Variants in INTS12 observed in about 807,000 individuals in gnomAD.
INTS12 encodes the protein integrator complex subunit 12, also known as PHD finger protein 22.
In INTS12, 13 loss-of-function variants were observed where a neutral mutation model predicts 41.6. That is an observed-to-expected ratio of 0.31 (90% CI 0.20 to 0.50). The LOEUF (loss-of-function observed/expected upper bound fraction) is 0.50. INTS12 is among the 20% of genes least tolerant of loss of function. The pLI, the probability that INTS12 is intolerant of heterozygous loss-of-function variation, is 0.98. For synonymous variants in INTS12, 199 were observed against 191.4 expected (o/e 1.04, Z -0.33); for missense variants, 432 against 541.6 (o/e 0.80, Z 2.01).
At chr4:105,692,660 C>T (rs953028010) in intron 5 of INTS12, among the ~76,000 whole-genome samples, 2 of 151,938 alleles carry the variant, frequency 1.3e-5, no homozygotes. Flanking sequence ...ATATAGAATG[C>T]CTTAATTAAA....
At chr4:105,704,593 T>G (rs572463721) in intron 1 of INTS12, among the ~76,000 whole-genome samples, 15 of 152,356 alleles carry the variant, frequency 9.8e-5, no homozygotes, top group Non-Finnish European at 1.6e-4. Context: ...CTAATACATC[T>G]CTGCAGTCCA....
intron 2 of INTS12, chr4:105,703,078 C>T (rs1241301032): frequency 2.1e-6 from 2 of 933,492 alleles, no homozygotes. Flanking sequence ...TACTTCTATA[C>T]AATTCCTTTC....
chr4:105,703,399 T>C (rs934147514), intron 2 of INTS12, among the ~76,000 whole-genome samples: 2 of 152,202 alleles, frequency 1.3e-5, no homozygotes, highest in Non-Finnish European at 2.9e-5. Context: ...CAAATGCATA[T>C]AGCACAAAAA....
chr4:105,682,748 C>T lies in INTS12; in HGVS notation c.1374G>A (p.Lys458=). The T allele has an allele frequency of 6.2e-7, 1 of 1,613,524 alleles. No individual in the cohort carries two copies. The highest frequency in any genetic ancestry group is 2.2e-5 in the East Asian group (1 of 44,860). ...LQMVKKKAAQ[K]KLKK ...CTTGGCCACATTACTTCTTGAGTTT[C>T]TTTTGGGCAGCTTTCTTCTTGACCA... Residue 458 remains lysine (K), a synonymous_variant, in exon 8 of 8, where the codon AAG becomes AAA. Coordinates refer to ENST00000340139, the MANE Select transcript of INTS12 (RefSeq NM_020395.4).
intron 6 of INTS12, 93 bp downstream of exon 6, chr4:105,691,883 C>T: frequency 1.1e-6 from 1 of 896,236 alleles, no homozygotes; most frequent in Non-Finnish European, 1.6e-6. Flanking sequence ...TTTATTTTTT[C>T]AATATCTTAA....
chr4:105,697,617 A>T (rs1202310367), intron 3 of INTS12, among the ~76,000 whole-genome samples: 1 of 152,186 alleles, frequency 6.6e-6, no homozygotes, highest in Non-Finnish European at 1.5e-5. Context: ...ACCATGGCAG[A>T]ATTAAATAGT....
chr4:105,704,874 A>G (rs865917660), intron 1 of INTS12, among the ~76,000 whole-genome samples: 1 of 152,014 alleles, frequency 6.6e-6, no homozygotes, highest in Admixed American at 6.6e-5. Flanking sequence ...ACCCTTTTCA[A>G]TCCTTACTAC....
At chr4:105,695,732 T>G in intron 3 of INTS12, 64 bp from the exon 4 acceptor site, 2 of 1,282,508 alleles carry the variant, frequency 1.6e-6, no homozygotes, top group Non-Finnish European at 2.2e-6. Flanking sequence ...AAAAAGATCA[T>G]TAATATAAAC....
In INTS12 at chr4:105,691,965, A is replaced by G; in HGVS notation, c.657+11T>C. 6.6e-7 allele frequency: 1 copy of G among 1,508,716 alleles called. No homozygotes were observed. Among genetic ancestry groups the G allele is most frequent in the South Asian group, 1.3e-5 (1 of 74,202 alleles). The allele number at this position is 1,508,716 out of a possible 1,614,324, so 93.5% of individuals were successfully genotyped here. A position where few individuals can be genotyped will look rare whatever the true frequency, so the allele number is the denominator to read the frequency against. Reference sequence around the variant, plus strand: ...CAGACTGTTTAAAATAAAGAAAAATATGATTCCTACCATTCTTTTCATTTG... The same window carrying G: ...CAGACTGTTTAAAATAAAGAAAAATGTGATTCCTACCATTCTTTTCATTTG... On this transcript the variant is annotated intron_variant, in intron 6 of 7. Transcript: ENST00000340139.
chr4:105,708,636 AC>A lies in INTS12; in HGVS notation c.-172+1del. The A allele has an allele frequency of 6.2e-6, 6 of 975,258 alleles. No homozygotes were observed. The highest frequency in any genetic ancestry group is 7.3e-6 in the Non-Finnish European group (6 of 825,408). 60.4% of individuals were successfully genotyped at this position (975,258 alleles called of 1,614,324 possible). ...GGAGCAGAGTCGCTCAGCATAACTC[AC>A]CGTTCCGCCCCGCCCTGCCGATCCG... On this transcript the variant is annotated splice_donor_variant, in intron 1 of 7. Transcript: ENST00000340139. LOFTEE classifies it low-confidence loss of function (5UTR_SPLICE).
Position 105,691,119 on chromosome 4 carries a change from CTT to C in INTS12, c.657+855_657+856del, listed in dbSNP as rs1578383154. On this transcript the variant is annotated intron_variant, in intron 6 of 7. Coordinates refer to ENST00000340139, the MANE Select transcript of INTS12 (RefSeq NM_020395.4). ...GTAAAATGGGTATCCCGAGTTTTTACTTTTAACTAAGTACTTCTGACCTTTAA... is the reference window on the plus strand; with the variant it reads ...GTAAAATGGGTATCCCGAGTTTTTACTTAACTAAGTACTTCTGACCTTTAA... Among the ~76,000 whole-genome samples the C allele has an allele frequency of 2.6e-5, 4 of 152,212 alleles. No individual in the cohort carries two copies. The East Asian group carries it at 7.7e-4, about 29-fold the overall frequency.
intron 1 of INTS12, chr4:105,708,361 T>G: frequency 1.0e-6 from 1 of 985,362 alleles, no homozygotes; most frequent in Non-Finnish European, 1.2e-6. Context: ...ACTAAAACCC[T>G]CCGACAAAGT....
At chr4:105,687,128 A>G in intron 6 of INTS12, 1 of 341,248 alleles carries the variant, frequency 2.9e-6, no homozygotes, top group Non-Finnish European at 5.4e-6. Flanking sequence ...AAAGAGCAAA[A>G]TCACAAACTA....
intron 3 of INTS12, among the ~76,000 whole-genome samples, chr4:105,696,142 C>T (rs1438331956): frequency 1.3e-5 from 2 of 152,216 alleles, no homozygotes; most frequent in Non-Finnish European, 2.9e-5. Context: ...TGTACCACCA[C>T]ACCTGGCCCA....
rs750008057 is a variant in INTS12 at position 105,682,888 on chromosome 4, G to A, written c.1234C>T (p.Pro412Ser). ...GTTTTGCTGGTAGTACTTCCACTAG[G>A]TCCTGATGTTCCACTATTTCCATTC... ...SGNGNSGTSG[P>S]SGSTTSKTTS... is the part of the protein sequence containing the mutation. The change falls in exon 8 of 8, where the codon CCT (proline) becomes TCT (serine). Residue 412 changes from proline to serine, a missense_variant. Coordinates refer to ENST00000340139, the MANE Select transcript of INTS12 (RefSeq NM_020395.4). 9.9e-6 allele frequency: 16 copies of A among 1,613,944 alleles called. No individual in the cohort carries two copies. In the East Asian group the frequency reaches 3.3e-4, roughly 34 times the overall value.
At chr4:105,692,203 GC>G in intron 5 of INTS12, 68 bp from the exon 6 acceptor site, 1 of 1,453,544 alleles carries the variant, frequency 6.9e-7, no homozygotes, top group Non-Finnish European at 9.4e-7. Context: ...TATTTCAGGG[GC>G]CAGGTGTGCT....
chr4:105,690,669 T>C (rs1731655334), intron 6 of INTS12, among the ~76,000 whole-genome samples: 2 of 151,976 alleles, frequency 1.3e-5, no homozygotes, highest in African/African-American at 2.4e-5. Context: ...ACCATAAACA[T>C]AGATTTGACA....
intron 5 of INTS12, among the ~76,000 whole-genome samples, chr4:105,692,549 G>GAA (rs901661515): frequency 7.5e-6 from 1 of 133,618 alleles, no homozygotes; most frequent in Non-Finnish European, 1.6e-5. Context: ...ATATTAAAAA[G>GAA]AAAAAAAATC....
intron 1 of INTS12, 165 bp downstream of exon 1, chr4:105,708,473 A>G (rs1270912187): frequency 1.0e-6 from 1 of 985,212 alleles, no homozygotes; most frequent in African/African-American, 1.8e-5. Flanking sequence ...TCCTCACTGA[A>G]AGGGGAGAGC....
Sources: allele counts gnomAD v4.1 joint callset (sites outside exome capture counted in the v4.1 genomes callset), GRCh38; gene constraint gnomAD v4.1.1; transcripts MANE v1.5; gene names NCBI Gene and HGNC (gene_info 2026-07-23, HGNC 2026-07-21).